SLC35D4: variants seen among roughly 807,000 people sequenced by gnomAD.
The protein encoded by SLC35D4 is UDP-N-acetylglucosamine transporter SLC35D4.
chr18:23,414,300 A>AGGAG, the SLC35D4 span, among the ~76,000 whole-genome samples: 5 of 132,408 alleles, frequency 3.8e-5, no homozygotes, highest in Non-Finnish European at 8.2e-5. Flanking sequence ...GAAAGGAGGA[A>AGGAG]GGAAGGAAGG....
the SLC35D4 span, among the ~76,000 whole-genome samples, chr18:23,396,821 G>T: frequency 6.6e-6 from 1 of 151,734 alleles, no homozygotes; most frequent in African/African-American, 2.4e-5. Flanking sequence ...GTTGGCAAGA[G>T]AATGTAAAAT....
the SLC35D4 span, among the ~76,000 whole-genome samples, chr18:23,283,808 C>CAA: frequency 1.0e-4 from 10 of 95,282 alleles, no homozygotes; most frequent in East Asian, 6.8e-4. Context: ...GACTCCATCT[C>CAA]AAAAAAAAAA....
At chr18:23,270,814 A>G in the SLC35D4 span, among the ~76,000 whole-genome samples, 2 of 152,242 alleles carry the variant, frequency 1.3e-5, no homozygotes. Context: ...CTGTCTAGGC[A>G]GTGGGCAAGA....
At chr18:23,407,912 C>T in the SLC35D4 span, among the ~76,000 whole-genome samples, 21 of 152,152 alleles carry the variant, frequency 1.4e-4, no homozygotes, top group Admixed American at 1.3e-3. Context: ...AAGTTACCTA[C>T]AATAAAGTTT....
the SLC35D4 span, among the ~76,000 whole-genome samples, chr18:23,339,453 G>A: frequency 1.3e-5 from 2 of 152,186 alleles, no homozygotes; most frequent in East Asian, 3.8e-4. Flanking sequence ...ACAATTCAAT[G>A]TAAATGTGAT....
chr18:23,334,717 C>T, the SLC35D4 span, among the ~76,000 whole-genome samples: 1 of 152,056 alleles, frequency 6.6e-6, no homozygotes, highest in African/African-American at 2.4e-5. Context: ...GGAAAAGGGG[C>T]CGGCCGGGCA....
At chr18:23,271,880 G>A in the SLC35D4 span, among the ~76,000 whole-genome samples, 1 of 152,142 alleles carries the variant, frequency 6.6e-6, no homozygotes, top group South Asian at 2.1e-4. Flanking sequence ...GGAGTTTCCT[G>A]GAAGGTTTTG....
At chr18:23,316,847 T>C in the SLC35D4 span, among the ~76,000 whole-genome samples, 1 of 152,198 alleles carries the variant, frequency 6.6e-6, no homozygotes, top group African/African-American at 2.4e-5. Flanking sequence ...GATGAGGGCA[T>C]AAAATGTCCC....
At chr18:23,371,155 T>C in the SLC35D4 span, among the ~76,000 whole-genome samples, 1 of 150,646 alleles carries the variant, frequency 6.6e-6, no homozygotes, top group Non-Finnish European at 1.5e-5. Context: ...AGTGCGGTGG[T>C]GTGATCATGA....
the SLC35D4 span, chr18:23,370,114 G>T: frequency 1.1e-6 from 1 of 940,970 alleles, no homozygotes. Flanking sequence ...GGGGGGTGGA[G>T]GGTGCGGTGA....
At chr18:23,380,011 C>T in the SLC35D4 span, among the ~76,000 whole-genome samples, 6 of 152,094 alleles carry the variant, frequency 3.9e-5, no homozygotes, top group East Asian at 1.9e-4. Context: ...GCAGGAGAAT[C>T]GCTTAGAACC....
At chr18:23,432,464 C>CA in the SLC35D4 span, among the ~76,000 whole-genome samples, 3 of 151,954 alleles carry the variant, frequency 2.0e-5, no homozygotes, top group African/African-American at 7.2e-5. Context: ...GGGAGGATCA[C>CA]AAGGTCAGGA....
At chr18:23,240,619 A>C in the SLC35D4 span, among the ~76,000 whole-genome samples, 1 of 152,224 alleles carries the variant, frequency 6.6e-6, no homozygotes, top group African/African-American at 2.4e-5. Context: ...TTGGGGAAGG[A>C]GCAGGCTTGT....
chr18:23,329,125 C>T, the SLC35D4 span, among the ~76,000 whole-genome samples: 1 of 152,304 alleles, frequency 6.6e-6, no homozygotes, highest in African/African-American at 2.4e-5. Context: ...CTAGGCAATA[C>T]CATTCAGGAC....
At chr18:23,363,532 G>T in the SLC35D4 span, among the ~76,000 whole-genome samples, 1 of 151,002 alleles carries the variant, frequency 6.6e-6, no homozygotes, top group Non-Finnish European at 1.5e-5. Flanking sequence ...CCGCCACCAC[G>T]CCCGGCTAAT....
the SLC35D4 span, among the ~76,000 whole-genome samples, chr18:23,248,241 C>CT: frequency 6.6e-6 from 1 of 152,192 alleles, no homozygotes; most frequent in Non-Finnish European, 1.5e-5. Flanking sequence ...TCGTCAGTGC[C>CT]TTTATGGGGA....
the SLC35D4 span, among the ~76,000 whole-genome samples, chr18:23,292,307 A>C: frequency 0.082 from 12,527 of 152,220 alleles, 655 homozygotes; most frequent in Middle Eastern, 0.19. Context: ...GAGAACCAAC[A>C]AACAGTGGCT....
At chr18:23,362,856 C>A in the SLC35D4 span, among the ~76,000 whole-genome samples, 1 of 152,144 alleles carries the variant, frequency 6.6e-6, no homozygotes, top group Non-Finnish European at 1.5e-5. Flanking sequence ...GGATAATCAC[C>A]AAGATTCCTT....
At chr18:23,264,503 C>T in the SLC35D4 span, among the ~76,000 whole-genome samples, 2 of 152,110 alleles carry the variant, frequency 1.3e-5, no homozygotes, top group East Asian at 1.9e-4. Flanking sequence ...GCTGGGATCA[C>T]AGGCGCGCGC....
Sources: gnomAD v4.1 joint callset for allele counts (sites outside exome capture counted in the v4.1 genomes callset) on GRCh38, gnomAD v4.1.1 for gene constraint, MANE v1.5 for transcripts, NCBI Gene and HGNC (gene_info 2026-07-23, HGNC 2026-07-21) for gene names.